Variants in SMG1 observed in about 807,000 individuals in gnomAD.
The protein encoded by SMG1 is serine/threonine-protein kinase SMG1.
Under a neutral mutation model 419.9 loss-of-function variants are expected in SMG1, and 22 were observed. The ratio of observed to expected loss-of-function variants is 0.05; its 90% CI spans 0.04 to 0.07. The LOEUF (loss-of-function observed/expected upper bound fraction) is 0.07. Ranked by LOEUF, SMG1 falls within the 10% of genes least tolerant of loss-of-function variation. SMG1 has a pLI of 1.00. For missense variants in SMG1, 3,185 were observed against 4,342.0 expected, an observed-to-expected ratio of 0.73 and a Z score of 7.49; for synonymous variants, 1,538 against 1,553.5, an observed-to-expected ratio of 0.99 and a Z score of 0.23.
At chr16:18,849,089 A>AC in intron 36 of SMG1, 128 bp downstream of exon 36, 2 of 273,880 alleles carry the variant, frequency 7.3e-6, no homozygotes, top group Non-Finnish European at 1.3e-5. Flanking sequence ...AAAAAAAAAA[A>AC]AAAAAAAAAA....
intron 60 of SMG1, among the ~76,000 whole-genome samples, chr16:18,813,673 T>C (rs1372450224): frequency 4.6e-5 from 7 of 152,154 alleles, no homozygotes; most frequent in Non-Finnish European, 1.0e-4. Context: ...TTAATTAGAT[T>C]CCATTTTTCA....
At chr16:18,855,332 C>T (rs1231626008) in intron 29 of SMG1, among the ~76,000 whole-genome samples, 2 of 152,182 alleles carry the variant, frequency 1.3e-5, no homozygotes, top group East Asian at 1.9e-4. Context: ...CCATTAAACA[C>T]CAGTGCTCCT....
intron 29 of SMG1, chr16:18,857,282 T>A (rs909588441): frequency 1.3e-5 from 2 of 152,252 alleles, no homozygotes; most frequent in African/African-American, 4.8e-5. Flanking sequence ...TTTTCTATTT[T>A]AGAGCAATAA....
rs1195051265 is a variant in SMG1, at chr16:18,868,725, A to G, written c.2834-6T>C. 1 of 965,676 alleles carries G rather than the reference A, an allele frequency of 1.0e-6. No homozygotes were observed. The highest frequency in any genetic ancestry group is 1.6e-6 in the Non-Finnish European group (1 of 640,572). 59.8% of individuals were successfully genotyped at this position (965,676 alleles called of 1,614,324 possible). A position where few individuals can be genotyped will look rare whatever the true frequency, so the allele number is the denominator to read the frequency against. On this transcript the variant is annotated splice_region_variant and splice_polypyrimidine_tract_variant and intron_variant, in intron 20 of 62. Coordinates refer to ENST00000446231, the MANE Select transcript of SMG1 (RefSeq NM_015092.5). ...TGCGAGACTTCGAATGATACCTGAA[A>G]GCAAAGACAACATTCTGAATTTTTA...
Position 18,885,550 on chromosome 16 carries a change from A to G in SMG1, c.939T>C (p.Thr313=), listed in dbSNP as rs779101383. 1.9e-6 allele frequency: 3 copies of G among 1,596,118 alleles called. No individual in the cohort carries two copies. Among genetic ancestry groups the G allele is most frequent in the East Asian group, 2.2e-5 (1 of 44,866 alleles). ...VARCYPHIFS[T]NFRDTVDILV... The stretch of plus-strand genomic sequence containing the variant: ...GGAATGAGGAACTCACCCTAAAATT[A>G]GTGCTGAAAATATGAGGGTAACATC... Residue 313 remains threonine, a synonymous_variant, in exon 7 of 63, where the codon ACT becomes ACC. Transcript: ENST00000446231.
Position 18,838,063 on chromosome 16 carries a change from T to A in SMG1, c.7364A>T (p.Glu2455Val), listed in dbSNP as rs373592486. ...AESKQSKREMEREITRSLFSS... is the reference protein window; with the variant it reads ...AESKQSKREMVREITRSLFSS... Reference sequence around the variant, plus strand: ...AAACAGGCTGCGGGTGATCTCTCGCTCCATCTCTCTCTTGCTCTGCTTGCT... The same window carrying A: ...AAACAGGCTGCGGGTGATCTCTCGCACCATCTCTCTCTTGCTCTGCTTGCT... The change falls in exon 45 of 63, where the codon GAG (glutamate) becomes GTG (valine). Residue 2455 changes from glutamate to valine, a missense_variant. Physicochemically the swap from Glu to Val is moderately radical, Grantham distance 121 (BLOSUM62 -2). This residue lies in a region of SMG1 where 412 missense variants were observed against 546.6 expected (regional missense o/e 0.75). Coordinates refer to ENST00000446231, the MANE Select transcript of SMG1 (RefSeq NM_015092.5). 2 of 1,613,834 alleles carry A rather than the reference T, an allele frequency of 1.2e-6. No homozygotes were observed. The highest frequency in any genetic ancestry group is 8.5e-7 in the Non-Finnish European group (1 of 1,179,896).
At chr16:18,833,784 G>A (rs1377228066) in intron 50 of SMG1, among the ~76,000 whole-genome samples, 1 of 152,110 alleles carries the variant, frequency 6.6e-6, no homozygotes, top group Admixed American at 6.5e-5. Flanking sequence ...AGTAAACACT[G>A]ATCTGCTTTT....
At chr16:18,863,906 T>G in intron 24 of SMG1, 55 bp from the exon 25 acceptor site, 1 of 1,589,020 alleles carries the variant, frequency 6.3e-7, no homozygotes. Context: ...TAGAAATATT[T>G]CAAAGAGCAC....
chr16:18,843,699 C>A (rs998346172), intron 39 of SMG1, among the ~76,000 whole-genome samples: 1 of 152,056 alleles, frequency 6.6e-6, no homozygotes, highest in Non-Finnish European at 1.5e-5. Flanking sequence ...AAGAAGTAGA[C>A]GTACACACAA....
chr16:18,859,781 A>C, intron 26 of SMG1, 78 bp from the exon 27 acceptor site: 1 of 1,086,110 alleles, frequency 9.2e-7, no homozygotes, highest in Non-Finnish European at 1.3e-6. Flanking sequence ...CATTATTAAA[A>C]ACTAATCACC....
At chr16:18,879,176 C>CACAATCAGAGCTCTCTT in intron 11 of SMG1, 1 of 378,970 alleles carries the variant, frequency 2.6e-6, no homozygotes, top group Non-Finnish European at 5.0e-6. Flanking sequence ...AGTGCAGTGG[C>CACAATCAGAGCTCTCTT]ACAATCAGAG....
At chr16:18,920,591 T>C (rs2038159340) in intron 1 of SMG1, among the ~76,000 whole-genome samples, 1 of 151,880 alleles carries the variant, frequency 6.6e-6, no homozygotes, top group Non-Finnish European at 1.5e-5. Context: ...TCCCAGCACT[T>C]TGGGAGGCCA....
At chr16:18,841,919 T>TA in intron 40 of SMG1, 125 bp from the exon 41 acceptor site, 2 of 817,022 alleles carry the variant, frequency 2.4e-6, no homozygotes, top group Non-Finnish European at 4.0e-6. Context: ...CTGAGAGCAT[T>TA]AAAGAATTCT....
rs759204419 is a variant in SMG1 at position 18,817,408 on chromosome 16, G to A, written c.9957C>T (p.Ala3319=). 1.0e-5 allele frequency: 16 copies of A among 1,603,578 alleles called. No homozygotes were observed. Among genetic ancestry groups the A allele is most frequent in the Admixed American group, 8.6e-5 (5 of 58,312 alleles). Residue 3319 remains alanine (A), a synonymous_variant, in exon 57 of 63, where the codon GCC becomes GCT. Coordinates refer to ENST00000446231, the MANE Select transcript of SMG1 (RefSeq NM_015092.5). ...CAAATAACGCCGCATCCAGGTTTAA[G>A]GCTTCTGCAGTTCTTGTTCGTAAAC... is the stretch of plus-strand genomic sequence containing the variant. ...FESLRTRTAE[A]LNLDAALFEL...
At chr16:18,909,761 G>A (rs768353466) in intron 1 of SMG1, among the ~76,000 whole-genome samples, 5 of 152,250 alleles carry the variant, frequency 3.3e-5, no homozygotes, top group Middle Eastern at 6.8e-3. Context: ...AAACATACTA[G>A]TAAGAACAGG....
intron 36 of SMG1, 30 bp from the exon 37 acceptor site, chr16:18,848,063 T>C: frequency 1.3e-6 from 2 of 1,578,644 alleles, no homozygotes; most frequent in Non-Finnish European, 1.7e-6. Context: ...CAAGGAATAT[T>C]TTGAACATTT....
At position 18,869,109 on chromosome 16, in the gene SMG1, A is replaced by G. The variant is rs747650060; in HGVS notation, c.2828T>C (p.Ile943Thr). ...LGRAQDTFQT[I>T]EGIIRSLAAH... ...ACAAAGCTTGAGTGAGTTACCTTCA[A>G]TTGTCTGGAAGGTGTCTTGAGCTCT... The change falls in exon 20 of 63, where the codon ATT (isoleucine) becomes ACT (threonine). Residue 943 changes from isoleucine to threonine, a missense_variant. Around this residue, in one of 27 missense-constraint regions of SMG1, gnomAD observed 70 missense variants for 185.7 expected, o/e 0.38. Transcript: ENST00000446231. The G allele has an allele frequency of 6.2e-7, 1 of 1,610,650 alleles. No homozygotes were observed. The highest frequency in any genetic ancestry group is 8.5e-7 in the Non-Finnish European group (1 of 1,178,626).
intron 62 of SMG1, among the ~76,000 whole-genome samples, chr16:18,811,211 C>A (rs897364851): frequency 6.6e-6 from 1 of 152,156 alleles, no homozygotes; most frequent in Non-Finnish European, 1.5e-5. Context: ...AGTCTACACA[C>A]AGAATCCACT....
At chr16:18,847,689 AGT>A in intron 37 of SMG1, 82 bp from the exon 38 acceptor site, 1 of 1,572,392 alleles carries the variant, frequency 6.4e-7, no homozygotes, top group Non-Finnish European at 8.7e-7. Flanking sequence ...TTGTAAGTTA[AGT>A]GTGTGCAATT....
Sources: allele counts gnomAD v4.1 joint callset (sites outside exome capture counted in the v4.1 genomes callset), GRCh38; gene constraint gnomAD v4.1.1; regional missense constraint gnomAD v4.1.1; transcripts MANE v1.5; gene names NCBI Gene and HGNC (gene_info 2026-07-23, HGNC 2026-07-21).